The following GRAMD1B variants were observed in gnomAD, a reference collection of about 807,000 sequenced individuals.
GRAMD1B encodes GRAM domain containing 1B, also known as protein Aster-B.
GRAMD1B carries 37 observed loss-of-function variants against 99.7 expected under a neutral mutation model. The observed-to-expected ratio is 0.37, with a 90% CI of 0.29 to 0.49. GRAMD1B has a LOEUF of 0.49. Ranked by LOEUF, GRAMD1B falls within the 20% of genes least tolerant of loss-of-function variation. The pLI is 0.98. For synonymous variants in GRAMD1B, 427 were observed against 387.6 expected (o/e 1.10, Z -1.19); for missense variants, 888 against 1,009.2 (o/e 0.88, Z 1.63).
At chr11:123,609,003 G>A (rs1217955960) in intron 12 of GRAMD1B, among the ~76,000 whole-genome samples, 1 of 151,920 alleles carries the variant, frequency 6.6e-6, no homozygotes, top group Admixed American at 6.6e-5. Flanking sequence ...CTTTTCACCA[G>A]CCCTGCAGCT....
At chr11:123,445,309 T>A (rs56284028) in intron 1 of GRAMD1B, among the ~76,000 whole-genome samples, 15,043 of 152,172 alleles carry the variant, frequency 0.099, 822 homozygotes, top group Non-Finnish European at 0.13. Context: ...TAGAGAGCAT[T>A]CGTGTTCTGG....
chr11:123,549,456 G>A (rs1030589817), intron 2 of GRAMD1B, among the ~76,000 whole-genome samples: 4 of 152,018 alleles, frequency 2.6e-5, no homozygotes, highest in Admixed American at 1.3e-4. Context: ...GCAGGAGAAC[G>A]GCGTGAACCT....
intron 7 of GRAMD1B, chr11:123,598,052 TTC>T (rs1951502581): frequency 1.4e-6 from 2 of 1,405,798 alleles, no homozygotes; most frequent in African/African-American, 2.8e-5. Flanking sequence ...TTCTGAAGCC[TTC>T]TGCAATTTCA....
chr11:123,558,812 T>G (rs1946412178), intron 2 of GRAMD1B, among the ~76,000 whole-genome samples: 1 of 152,218 alleles, frequency 6.6e-6, no homozygotes, highest in African/African-American at 2.4e-5. Flanking sequence ...TCCCGGATAC[T>G]GTGCGGCTGC....
Position 123,574,162 on chromosome 11 carries a change from G to A in GRAMD1B, c.453-3205G>A, listed in dbSNP as rs117833022. 3.7e-3 allele frequency among the ~76,000 whole-genome samples: 568 copies of A among 152,120 alleles called. 1 individual carries two copies. The highest frequency in any genetic ancestry group is 6.8e-3 in the Middle Eastern group (2 of 292). On this transcript the variant is annotated intron_variant, in intron 2 of 19. Coordinates refer to ENST00000635736, the MANE Select transcript of GRAMD1B (RefSeq NM_001387025.1). ...GCTCTTTAGGCTCAAGTAGTGCGTC[G>A]TATGGGAGTTTGGAGGCAGGAGAAA...
At chr11:123,524,294 C>T (rs563597052) in intron 2 of GRAMD1B, among the ~76,000 whole-genome samples, 4 of 113,740 alleles carry the variant, frequency 3.5e-5, no homozygotes, top group East Asian at 3.2e-4. Flanking sequence ...CTGTTACCAA[C>T]GAGGGTCTGC....
At chr11:123,395,416 AT>A (rs1947423966) in intron 1 of GRAMD1B, among the ~76,000 whole-genome samples, 1 of 152,044 alleles carries the variant, frequency 6.6e-6, no homozygotes, top group African/African-American at 2.4e-5. Flanking sequence ...CAAGTTTCCA[AT>A]ACATCCCCTT....
intron 1 of GRAMD1B, among the ~76,000 whole-genome samples, chr11:123,367,776 C>T (rs1393638954): frequency 1.3e-5 from 2 of 150,950 alleles, no homozygotes; most frequent in African/African-American, 4.9e-5. Context: ...GGAAGATGAA[C>T]AGAAACAAGG....
chr11:123,577,652 G>C, intron 3 of GRAMD1B, 75 bp downstream of exon 3: 4 of 1,119,218 alleles, frequency 3.6e-6, no homozygotes, highest in Non-Finnish European at 3.9e-6. Flanking sequence ...GTGAGCCGGA[G>C]AACATCTGCG....
At chr11:123,463,750 T>C (rs1025338642) in intron 1 of GRAMD1B, among the ~76,000 whole-genome samples, 6 of 152,082 alleles carry the variant, frequency 3.9e-5, no homozygotes, top group African/African-American at 1.4e-4. Context: ...GTGGAAGATA[T>C]GGATCATATA....
At chr11:123,615,793 T>A (rs1336042730) in intron 17 of GRAMD1B, among the ~76,000 whole-genome samples, 1 of 152,218 alleles carries the variant, frequency 6.6e-6, no homozygotes, top group Non-Finnish European at 1.5e-5. Context: ...CTGCAGTCAC[T>A]GCTTAATTAT....
At chr11:123,479,984 C>T (rs1421111919) in intron 1 of GRAMD1B, among the ~76,000 whole-genome samples, 3 of 152,070 alleles carry the variant, frequency 2.0e-5, no homozygotes, top group African/African-American at 4.8e-5. Flanking sequence ...AGTTTGTGGA[C>T]TCCTGATCAG....
chr11:123,524,845 T>A (rs1942542825), intron 2 of GRAMD1B, among the ~76,000 whole-genome samples: 1 of 152,190 alleles, frequency 6.6e-6, no homozygotes, highest in South Asian at 2.1e-4. Context: ...ATCTCTTTGT[T>A]CGTTGTCACC....
chr11:123,580,077 A>T (rs146024855), intron 3 of GRAMD1B, among the ~76,000 whole-genome samples: 124 of 152,260 alleles, frequency 8.1e-4, no homozygotes, highest in African/African-American at 2.9e-3. Context: ...TCTCCCACTG[A>T]TCATTGCCAT....
intron 10 of GRAMD1B, 57 bp downstream of exon 10, chr11:123,605,535 C>T: frequency 7.1e-7 from 1 of 1,410,576 alleles, no homozygotes; most frequent in Non-Finnish European, 9.7e-7. Context: ...CGTTTCCTAG[C>T]ATAGTTCACT....
intron 1 of GRAMD1B, among the ~76,000 whole-genome samples, chr11:123,371,813 A>G (rs946656228): frequency 6.6e-6 from 1 of 152,098 alleles, no homozygotes; most frequent in African/African-American, 2.4e-5. Context: ...TGATTTGTCT[A>G]TCCTTACTCT....
At position 123,376,448 on chromosome 11, in the gene GRAMD1B, T is replaced by C. The variant is rs141538125; in HGVS notation, c.-176+17649T>C. Among the ~76,000 whole-genome samples, 3 of 152,340 alleles carry C rather than the reference T, an allele frequency of 2.0e-5. No individual in the cohort carries two copies. The East Asian group carries it at 5.8e-4, about 29-fold the overall frequency. On this transcript the variant is annotated intron_variant, in intron 1 of 20. Coordinates refer to the GRAMD1B transcript ENST00000638157. ...CGTTGTTAATATAAATTGTTTTGAA[T>C]GTTCTCTATTTTAATGGAGATGGGG...
chr11:123,616,651 G>C (rs555252805), intron 17 of GRAMD1B, among the ~76,000 whole-genome samples: 2 of 152,336 alleles, frequency 1.3e-5, no homozygotes, highest in African/African-American at 4.8e-5. Context: ...CACGTGGGAC[G>C]GGCTGACACA....
At chr11:123,528,390 A>G (rs1195372707) in intron 2 of GRAMD1B, among the ~76,000 whole-genome samples, 1 of 152,254 alleles carries the variant, frequency 6.6e-6, no homozygotes, top group Non-Finnish European at 1.5e-5. Flanking sequence ...TTGGTGATAT[A>G]TAAAATGATG....
Sources: gnomAD v4.1 joint callset for allele counts (sites outside exome capture counted in the v4.1 genomes callset) on GRCh38, gnomAD v4.1.1 for gene constraint, MANE v1.5 for transcripts, NCBI Gene and HGNC (gene_info 2026-07-23, HGNC 2026-07-21) for gene names.